Variants in BACE1 observed in about 807,000 individuals in gnomAD.
BACE1 encodes APP beta-secretase.
Under a neutral mutation model 54.0 loss-of-function variants are expected in BACE1, and 21 were observed. That is an observed-to-expected ratio of 0.39 (90% confidence interval 0.28 to 0.56). BACE1 has a LOEUF of 0.56. Ranked by LOEUF, BACE1 falls within the 20% of genes least tolerant of loss-of-function variation. The pLI is 0.63. For synonymous variants in BACE1, 232 were observed against 260.9 expected, an observed-to-expected ratio of 0.89 and a Z score of 1.07; for missense variants, 511 against 661.2, an observed-to-expected ratio of 0.77 and a Z score of 2.49.
intron 1 of BACE1, among the ~76,000 whole-genome samples, chr11:117,310,975 CTTTTTTT>C (rs750673315): frequency 1.4e-5 from 2 of 142,028 alleles, no homozygotes; most frequent in Non-Finnish European, 3.1e-5. Context: ...TGATAAAGAC[CTTTTTTT>C]TTTTTTTTCT....
chr11:117,290,427 G>C (rs1203256567), intron 8 of BACE1, 61 bp downstream of exon 8: 1 of 1,578,866 alleles, frequency 6.3e-7, no homozygotes, highest in East Asian at 2.2e-5. Context: ...TATACTAACT[G>C]TTGTTTGACA....
chr11:117,294,285 C>T (rs771303871), intron 3 of BACE1: 101 of 216,214 alleles, frequency 4.7e-4, no homozygotes, highest in Non-Finnish European at 5.9e-4. Context: ...GTTACGATCT[C>T]GGCTCACTGC....
chr11:117,294,100 T>C lies in BACE1; in HGVS notation c.568-92A>G, dbSNP rs1400650269. 6 of 1,447,164 alleles carry C rather than the reference T, an allele frequency of 4.1e-6. No homozygotes were observed. In the African/African-American group the frequency reaches 5.7e-5, roughly 14 times the overall value. The allele number at this position is 1,447,164 out of a possible 1,614,324, so 89.6% of individuals were successfully genotyped here. On this transcript the variant is annotated intron_variant, in intron 3 of 8. Coordinates refer to ENST00000313005, the MANE Select transcript of BACE1 (RefSeq NM_012104.6). ...TAAACTGGAAGGCAAATTTGAAGGC[T>C]TGGGGGATGCTCCTTGGGAAAGACC...
At chr11:117,304,809 A>G (rs1732123044) in intron 1 of BACE1, among the ~76,000 whole-genome samples, 1 of 152,114 alleles carries the variant, frequency 6.6e-6, no homozygotes, top group African/African-American at 2.4e-5. Context: ...CCCACAGACT[A>G]TGAGCTCCAC....
At chr11:117,300,319 A>AGCAAATGTC in intron 1 of BACE1, among the ~76,000 whole-genome samples, 1 of 152,222 alleles carries the variant, frequency 6.6e-6, no homozygotes, top group South Asian at 2.1e-4. Context: ...TTCTCTCCCG[A>AGCAAATGTC]GCAAATGTCG....
In BACE1 at chr11:117,286,413, C is replaced by G. The variant is rs188716928; in HGVS notation, c.*3153G>C. The G allele has an allele frequency of 6.6e-6, 1 of 152,282 alleles. No homozygotes were observed. Among genetic ancestry groups the G allele is most frequent in the Non-Finnish European group, 1.5e-5 (1 of 68,016 alleles). 9.4% of individuals were successfully genotyped at this position (152,282 alleles called of 1,614,324 possible). ...TATCTTTACTCCTACAGGGAATGGC[C>G]TCAGCTCCCTTCTCTTTTAGAATTA... On this transcript the variant is annotated 3_prime_UTR_variant, in exon 9 of 9. Coordinates refer to ENST00000313005, the MANE Select transcript of BACE1 (RefSeq NM_012104.6).
rs1252548219 is a variant in BACE1 at position 117,287,293 on chromosome 11, C to T, written c.*2273G>A. ...CCCTGTTCTCCCTTCTCCCTCTGTC[C>T]ACTGGCCTGCAATGATAAAAGACAT... On this transcript the variant is annotated 3_prime_UTR_variant, in exon 9 of 9. Coordinates refer to ENST00000313005, the MANE Select transcript of BACE1 (RefSeq NM_012104.6). The T allele has an allele frequency of 6.6e-6, 1 of 152,568 alleles. No homozygotes were observed. The highest frequency in any genetic ancestry group is 1.9e-4 in the East Asian group (1 of 5,192). 9.5% of individuals were successfully genotyped at this position (152,568 alleles called of 1,614,324 possible). A position where few individuals can be genotyped will look rare whatever the true frequency, so the allele number is the denominator to read the frequency against.
rs2034346790 is a variant in BACE1, at chr11:117,289,334, T to A, written c.*232A>T. On this transcript the variant is annotated 3_prime_UTR_variant, in exon 9 of 9. Transcript: ENST00000313005. ...GACTTAAATTTGAGGTGACCAAGAGTATTCCCGCCAGCAGAGTGCTTCTTT... is the reference window on the plus strand; with the variant it reads ...GACTTAAATTTGAGGTGACCAAGAGAATTCCCGCCAGCAGAGTGCTTCTTT... 1 of 576,442 alleles carries A rather than the reference T, an allele frequency of 1.7e-6. No individual in the cohort carries two copies. The highest frequency in any genetic ancestry group is 2.9e-6 in the Non-Finnish European group (1 of 346,110). 35.7% of individuals were successfully genotyped at this position (576,442 alleles called of 1,614,324 possible). A position where few individuals can be genotyped will look rare whatever the true frequency, so the allele number is the denominator to read the frequency against.
intron 1 of BACE1, among the ~76,000 whole-genome samples, chr11:117,305,980 G>A (rs1322992812): frequency 1.3e-5 from 2 of 152,084 alleles, no homozygotes; most frequent in Non-Finnish European, 2.9e-5. Flanking sequence ...AGCTTGCAGT[G>A]AGCCCAGATC....
chr11:117,293,611 A>C lies in BACE1; in HGVS notation c.705+260T>G. 1 of 343,544 alleles carries C rather than the reference A, an allele frequency of 2.9e-6. No individual in the cohort carries two copies. Among genetic ancestry groups the C allele is most frequent in the South Asian group, 8.8e-5 (1 of 11,332 alleles). The allele number at this position is 343,544 out of a possible 1,614,324, so 21.3% of individuals were successfully genotyped here. ...CCATCAAACTGAATAATTTTAATTC[A>C]ACAGGTCTTATTTTCATTTCCTTTG... On this transcript the variant is annotated intron_variant, in intron 4 of 8. Transcript: ENST00000313005. This position sits in a 1 kb window ranked among gnomAD's most constrained non-coding sequence, Gnocchi z 4.1.
At chr11:117,305,652 T>A (rs186143624) in intron 1 of BACE1, among the ~76,000 whole-genome samples, 3 of 151,900 alleles carry the variant, frequency 2.0e-5, no homozygotes, top group Admixed American at 2.0e-4. Flanking sequence ...GCTCAACTAA[T>A]ATTTGCCAGT....
intron 5 of BACE1, 68 bp from the exon 6 acceptor site, chr11:117,291,881 G>T (rs1450733212): frequency 5.8e-5 from 72 of 1,239,156 alleles, no homozygotes; most frequent in Middle Eastern, 1.9e-4. Flanking sequence ...GCAGTAGGGG[G>T]TTACTGCTGG....
chr11:117,291,176 TA>T lies in BACE1; in HGVS notation c.943-128del. Reference sequence around the variant, plus strand: ...GTGAAATATCTAAAGTGGGGAGGGGTAAACCAACCAGAGGATTACAGGAAGA... The same window carrying T: ...GTGAAATATCTAAAGTGGGGAGGGGTAACCAACCAGAGGATTACAGGAAGA... On this transcript the variant is annotated intron_variant, in intron 6 of 8. Transcript: ENST00000313005. 1.0e-5 allele frequency: 12 copies of T among 1,144,346 alleles called. No homozygotes were observed. The South Asian group carries it at 1.8e-4, about 17-fold the overall frequency. 70.9% of individuals were successfully genotyped at this position (1,144,346 alleles called of 1,614,324 possible). A position where few individuals can be genotyped will look rare whatever the true frequency, so the allele number is the denominator to read the frequency against.
rs3741288 is a variant in BACE1 at position 117,315,499 on chromosome 11, C to T, written c.261+36G>A. 1,631 of 1,560,304 alleles carry T rather than the reference C, an allele frequency of 1.0e-3. 34 individuals carry two copies. The East Asian group carries it at 0.036, about 34-fold the overall frequency. On this transcript the variant is annotated intron_variant, in intron 1 of 8. Coordinates refer to ENST00000313005, the MANE Select transcript of BACE1 (RefSeq NM_012104.6). The surrounding 1 kb of genome is among the most constrained non-coding windows in gnomAD (Gnocchi z 5.5). The stretch of plus-strand genomic sequence containing the variant: ...CCATCCTGTCTCCCCTCTGCTCATG[C>T]AGGCGGAGGGCTAAGGGCTGGCCTG...
chr11:117,316,143 C>T lies in BACE1; in HGVS notation c.-348G>A, dbSNP rs1201275788. On this transcript the variant is annotated 5_prime_UTR_variant, in exon 1 of 9. Transcript: ENST00000313005. ...CCCTGGTCCCCCCGGCGGGCGGCGG[C>T]GCGGGCAGGGGCAAGGGCTCCGGGC... 1.8e-5 allele frequency: 7 copies of T among 397,378 alleles called. No homozygotes were observed. Among genetic ancestry groups the T allele is most frequent in the Admixed American group, 4.4e-5 (1 of 22,584 alleles). 24.6% of individuals were successfully genotyped at this position (397,378 alleles called of 1,614,324 possible).
Position 117,293,065 on chromosome 11 carries a change from C to T in BACE1, c.829G>A (p.Asp277Asn). 6.2e-7 allele frequency: 1 copy of T among 1,613,964 alleles called. No homozygotes were observed. The highest frequency in any genetic ancestry group is 8.5e-7 in the Non-Finnish European group (1 of 1,179,954). The change falls in exon 5 of 9, where the codon GAC becomes AAC. Residue 277 changes from aspartate (D) to asparagine (N), a missense_variant. Asp to Asn is a conservative substitution (Grantham distance 23). This residue lies in a region of BACE1 where 407 missense variants were observed against 565.7 expected (regional missense o/e 0.72). Coordinates refer to ENST00000313005, the MANE Select transcript of BACE1 (RefSeq NM_012104.6). The surrounding 1 kb of genome is among the most constrained non-coding windows in gnomAD (Gnocchi z 4.1). ...VEINGQDLKM[D>N]CKEYNYDKSI... ...CTTGGTTTTCTTACCTCCTTGCAGTCCATTTTCAGATCCTGTCCATTGATC... is the reference window on the plus strand; with the variant it reads ...CTTGGTTTTCTTACCTCCTTGCAGTTCATTTTCAGATCCTGTCCATTGATC...
Position 117,285,754 on chromosome 11 carries a change from A to G in BACE1, c.*3812T>C, listed in dbSNP as rs2034242762. ...AACGCTCATTATTTATACAGACATTAGGTTTACAGAATATTCTGTTTTACA... is the reference window on the plus strand; with the variant it reads ...AACGCTCATTATTTATACAGACATTGGGTTTACAGAATATTCTGTTTTACA... On this transcript the variant is annotated 3_prime_UTR_variant, in exon 9 of 9. Coordinates refer to ENST00000313005, the MANE Select transcript of BACE1 (RefSeq NM_012104.6). 6.6e-6 allele frequency: 1 copy of G among 152,330 alleles called. No homozygotes were observed. The highest frequency in any genetic ancestry group is 2.1e-4 in the South Asian group (1 of 4,834). 9.4% of individuals were successfully genotyped at this position (152,330 alleles called of 1,614,324 possible).
chr11:117,305,583 T>C (rs1379973878), intron 1 of BACE1, among the ~76,000 whole-genome samples: 1 of 151,584 alleles, frequency 6.6e-6, no homozygotes, highest in African/African-American at 2.4e-5. Context: ...CCAAACCTTA[T>C]CTAGTATACC....
intron 3 of BACE1, 153 bp from the exon 4 acceptor site, chr11:117,294,161 A>G: frequency 1.3e-6 from 1 of 744,384 alleles, no homozygotes; most frequent in East Asian, 2.8e-5. Flanking sequence ...AGGAAGGGTT[A>G]GCAGGAGCCC....
Sources: gnomAD v4.1 joint callset for allele counts (sites outside exome capture counted in the v4.1 genomes callset) on GRCh38, gnomAD v4.1.1 for gene constraint, gnomAD v4.1.1 regional missense constraint, Gnocchi (gnomAD v3.1) non-coding constraint, MANE v1.5 for transcripts, NCBI Gene and HGNC (gene_info 2026-07-23, HGNC 2026-07-21) for gene names.